The following CACNA1D variants were observed in gnomAD, a reference collection of about 807,000 sequenced individuals.
CACNA1D encodes the protein calcium voltage-gated channel subunit alpha1 D.
CACNA1D carries 55 observed loss-of-function variants against 257.1 expected under a neutral mutation model. The observed-to-expected ratio is 0.21, with a 90% CI of 0.17 to 0.27. The LOEUF is 0.27. Among genes scored for constraint, CACNA1D ranks in the 10% least tolerant of loss-of-function variants. CACNA1D has a pLI of 1.00. For missense variants in CACNA1D, 1,876 were observed against 2,784.0 expected, an observed-to-expected ratio of 0.67 and a Z score of 7.34; for synonymous variants, 980 against 1,014.9, an observed-to-expected ratio of 0.97 and a Z score of 0.65.
chr3:53,579,211 G>A (rs768979125), intron 3 of CACNA1D, among the ~76,000 whole-genome samples: 7 of 152,234 alleles, frequency 4.6e-5, no homozygotes, highest in Non-Finnish European at 7.3e-5. Flanking sequence ...GACATTGGCA[G>A]TCTCATTCAA....
chr3:53,541,467 T>A (rs1299757189), intron 3 of CACNA1D, among the ~76,000 whole-genome samples: 1 of 152,162 alleles, frequency 6.6e-6, no homozygotes, highest in Non-Finnish European at 1.5e-5. Flanking sequence ...TGCGCTTGTG[T>A]GGAGCAAATC....
chr3:53,631,885 A>G (rs183507839), intron 3 of CACNA1D, among the ~76,000 whole-genome samples: 2 of 152,324 alleles, frequency 1.3e-5, no homozygotes, highest in East Asian at 3.9e-4. Flanking sequence ...TGGGCTTGAA[A>G]TATTCAGTCA....
At chr3:53,564,053 C>T (rs807190) in intron 3 of CACNA1D, among the ~76,000 whole-genome samples, 63,257 of 151,980 alleles carry the variant, frequency 0.42, 13,438 homozygotes, top group Middle Eastern at 0.51. Context: ...ATCATTCTGA[C>T]TTGAATATGT....
At chr3:53,733,983 T>G (rs1342656999) in intron 19 of CACNA1D, among the ~76,000 whole-genome samples, 1 of 133,490 alleles carries the variant, frequency 7.5e-6, no homozygotes, top group Admixed American at 8.1e-5. Flanking sequence ...TGTATATATA[T>G]ATACATATAC....
At chr3:53,501,579 TC>T in intron 2 of CACNA1D, 35 bp from the exon 3 acceptor site, 1 of 1,090,068 alleles carries the variant, frequency 9.2e-7, no homozygotes, top group Non-Finnish European at 1.4e-6. Context: ...GGTTTATGTT[TC>T]CATAACACAT....
rs938136390 is a variant in CACNA1D at position 53,789,567 on chromosome 3, C to T, written c.4923+2615C>T. The stretch of plus-strand genomic sequence containing the variant: ...CACCAGTGTAACTAGGACAAGGACA[C>T]AGCCTCGGGAAGCCCCTGAGAGTGG... On this transcript the variant is annotated intron_variant, in intron 40 of 47. Transcript: ENST00000350061. This position sits in a 1 kb window ranked among gnomAD's most constrained non-coding sequence, Gnocchi z 4.2. Among the ~76,000 whole-genome samples, 6 of 152,382 alleles carry T rather than the reference C, an allele frequency of 3.9e-5. No homozygotes were observed. Among genetic ancestry groups the T allele is most frequent in the Non-Finnish European group, 7.3e-5 (5 of 68,040 alleles).
At chr3:53,681,053 T>C (rs188686732) in intron 8 of CACNA1D, among the ~76,000 whole-genome samples, 2 of 152,302 alleles carry the variant, frequency 1.3e-5, no homozygotes, top group East Asian at 1.9e-4. Context: ...TGAGACAGCA[T>C]TGATGGTGCC....
chr3:53,807,394 G>A (rs1355038593), intron 45 of CACNA1D: 1 of 152,288 alleles, frequency 6.6e-6, no homozygotes, highest in African/African-American at 2.4e-5. Flanking sequence ...AGGACTGGCT[G>A]TCTCGTTCCT....
At chr3:53,560,736 C>T (rs2092722614) in intron 3 of CACNA1D, among the ~76,000 whole-genome samples, 1 of 152,192 alleles carries the variant, frequency 6.6e-6, no homozygotes, top group Non-Finnish European at 1.5e-5. Flanking sequence ...TTATACTTTT[C>T]ATGTGTCATG....
intron 9 of CACNA1D, chr3:53,710,439 A>T (rs1214399056): frequency 2.2e-6 from 1 of 456,600 alleles, no homozygotes; most frequent in East Asian, 6.9e-5. Context: ...GAAGAAAAAG[A>T]AGTTTTGCTG....
At chr3:53,768,864 C>T (rs1395462852) in intron 30 of CACNA1D, among the ~76,000 whole-genome samples, 80 of 152,160 alleles carry the variant, frequency 5.3e-4, no homozygotes, top group Non-Finnish European at 8.8e-5. Flanking sequence ...GAAGTGAGCA[C>T]ATCCAGACGT....
At chr3:53,726,625 G>A (rs1576472973) in intron 14 of CACNA1D, among the ~76,000 whole-genome samples, 1 of 152,140 alleles carries the variant, frequency 6.6e-6, no homozygotes, top group South Asian at 2.1e-4. Context: ...AATAGAGCGA[G>A]ACTCCATCTC....
chr3:53,698,552 T>C (rs945371849), intron 8 of CACNA1D, among the ~76,000 whole-genome samples: 20 of 152,210 alleles, frequency 1.3e-4, no homozygotes, highest in African/African-American at 4.6e-4. Flanking sequence ...TCACTTTCAG[T>C]TTAGGGGTAT....
At chr3:53,617,458 A>G (rs1442767325) in intron 3 of CACNA1D, among the ~76,000 whole-genome samples, 1 of 152,158 alleles carries the variant, frequency 6.6e-6, no homozygotes, top group Admixed American at 6.5e-5. Flanking sequence ...TGAAAGTAGT[A>G]TTTTCAGTTT....
chr3:53,555,115 T>G (rs959376676), intron 3 of CACNA1D, among the ~76,000 whole-genome samples: 5 of 152,266 alleles, frequency 3.3e-5, no homozygotes, highest in African/African-American at 1.2e-4. Context: ...TATATCCTAC[T>G]ATTTCTATGT....
intron 11 of CACNA1D, 106 bp from the exon 12 acceptor site, chr3:53,722,208 C>A: frequency 1.7e-6 from 2 of 1,157,278 alleles, no homozygotes; most frequent in Non-Finnish European, 2.6e-6. Flanking sequence ...ACTCCCACCC[C>A]AATCTAGACC....
At chr3:53,802,231 C>T in intron 43 of CACNA1D, 58 bp downstream of exon 43, 1 of 1,318,726 alleles carries the variant, frequency 7.6e-7, no homozygotes, top group Admixed American at 1.7e-5. Context: ...TACCAGCTGG[C>T]CTCTCTGAGT....
chr3:53,546,268 G>A (rs924145692), intron 3 of CACNA1D, among the ~76,000 whole-genome samples: 10 of 152,172 alleles, frequency 6.6e-5, no homozygotes. Context: ...CTGGGAGGGA[G>A]GTGTGGGCCC....
chr3:53,653,488 T>A (rs2094118403), intron 4 of CACNA1D, among the ~76,000 whole-genome samples: 1 of 152,058 alleles, frequency 6.6e-6, no homozygotes, highest in African/African-American at 2.4e-5. Context: ...AAGGGATACC[T>A]GATTATAGTA....
Sources: gnomAD v4.1 joint callset for allele counts (sites outside exome capture counted in the v4.1 genomes callset) on GRCh38, gnomAD v4.1.1 for gene constraint, Gnocchi (gnomAD v3.1) non-coding constraint, MANE v1.5 for transcripts, NCBI Gene and HGNC (gene_info 2026-07-23, HGNC 2026-07-21) for gene names.